The following CCDC171 variants were observed in gnomAD, a reference collection of about 807,000 sequenced individuals.
The protein encoded by CCDC171 is coiled-coil domain-containing protein 171.
CCDC171 carries 177 observed loss-of-function variants against 168.2 expected under a neutral mutation model. The ratio of observed to expected loss-of-function variants is 1.05; its 90% CI spans 0.93 to 1.19. CCDC171 has a LOEUF of 1.19. Among genes scored for constraint, CCDC171 ranks in the 50% most tolerant of loss-of-function variants. The probability of loss-of-function intolerance (pLI) is 0.00; values close to 1 mark genes in which losing one functional copy is unlikely to be tolerated. For synonymous variants in CCDC171, 687 were observed against 540.8 expected (o/e 1.27, Z -3.75); for missense variants, 1,991 against 1,539.0 (o/e 1.29, Z -4.91).
At chr9:15,557,040 C>T (rs938890493) in intron 1 of CCDC171, among the ~76,000 whole-genome samples, 1 of 152,076 alleles carries the variant, frequency 6.6e-6, no homozygotes, top group Non-Finnish European at 1.5e-5. Flanking sequence ...TGTCAAAGAT[C>T]AGATGGTTGT....
intron 24 of CCDC171, chr9:15,885,549 T>A (rs897824182): frequency 5.9e-5 from 9 of 152,200 alleles, no homozygotes; most frequent in Non-Finnish European, 1.3e-4. Context: ...ATGGACTGCC[T>A]AGGTGAAGAC....
chr9:16,079,602 A>C, the CCDC171 span, among the ~76,000 whole-genome samples: 1 of 152,242 alleles, frequency 6.6e-6, no homozygotes, highest in Non-Finnish European at 1.5e-5. Flanking sequence ...GCCGGGAGAG[A>C]GGCCTGGAGC....
intron 1 of CCDC171, among the ~76,000 whole-genome samples, chr9:16,044,481 A>G (rs1833623074): frequency 8.2e-6 from 1 of 121,710 alleles, no homozygotes; most frequent in Non-Finnish European, 1.8e-5. Flanking sequence ...AAACCACAGG[A>G]GAAAAAAAAA....
chr9:15,700,100 G>C, intron 11 of CCDC171, among the ~76,000 whole-genome samples: 1 of 152,194 alleles, frequency 6.6e-6, no homozygotes, highest in East Asian at 1.9e-4. Context: ...AGGGGGCAGT[G>C]CTCATCAGGG....
At chr9:15,600,611 T>G (rs440229) in intron 6 of CCDC171, among the ~76,000 whole-genome samples, 11,775 of 152,106 alleles carry the variant, frequency 0.077, 694 homozygotes, top group African/African-American at 0.17. Context: ...GCAGTCTGTC[T>G]GTTCTCAGAT....
intron 10 of CCDC171, among the ~76,000 whole-genome samples, chr9:15,690,949 A>G (rs903551173): frequency 1.3e-5 from 2 of 152,202 alleles, no homozygotes; most frequent in South Asian, 2.1e-4. Flanking sequence ...AATGCCTACT[A>G]TTGGATAGAT....
chr9:15,949,412 C>A (rs960515171), intron 25 of CCDC171, among the ~76,000 whole-genome samples: 3 of 152,090 alleles, frequency 2.0e-5, no homozygotes, highest in Non-Finnish European at 2.9e-5. Flanking sequence ...TTACCTTGGG[C>A]AGTATGGCCA....
At chr9:16,029,916 A>G (rs1833339691) in intron 6 of CCDC171, among the ~76,000 whole-genome samples, 1 of 152,174 alleles carries the variant, frequency 6.6e-6, no homozygotes, top group African/African-American at 2.4e-5. Flanking sequence ...TAGTTTATAA[A>G]CTGGAATTTA....
chr9:15,860,407 T>G (rs1433716837), intron 23 of CCDC171, among the ~76,000 whole-genome samples: 1 of 151,932 alleles, frequency 6.6e-6, no homozygotes, highest in African/African-American at 2.4e-5. Context: ...CTGCTGTATG[T>G]TTCCCCTTAC....
chr9:15,878,418 C>A (rs1818151400), intron 24 of CCDC171, among the ~76,000 whole-genome samples: 1 of 149,892 alleles, frequency 6.7e-6, no homozygotes, highest in Non-Finnish European at 1.5e-5. Context: ...CCAATCAAAA[C>A]CACAATGAGA....
rs759576792 is a variant in CCDC171, at chr9:15,920,326, A to G, written c.3657A>G (p.Thr1219=). 2 of 1,609,346 alleles carry G rather than the reference A, an allele frequency of 1.2e-6. No homozygotes were observed. The highest frequency in any genetic ancestry group is 2.2e-5 in the East Asian group (1 of 44,702). Reference sequence around the variant, plus strand: ...AGCTTGCAAGCACTAGAATCATGACATTAGAGAAGGAAATGACATCTCATC... The same window carrying G: ...AGCTTGCAAGCACTAGAATCATGACGTTAGAGAAGGAAATGACATCTCATC... ...VYQLASTRIM[T]LEKEMTSHRS... The change falls in exon 25 of 26, where the codon ACA becomes ACG. Residue 1219 remains threonine, a synonymous_variant. Transcript: ENST00000380701.
chr9:15,799,855 A>G (rs1441775922), intron 21 of CCDC171, among the ~76,000 whole-genome samples: 1 of 152,146 alleles, frequency 6.6e-6, no homozygotes, highest in East Asian at 1.9e-4. Context: ...GCCCCTCCAA[A>G]TAAGTAAGAA....
At chr9:15,677,817 ACG>A (rs1262344133) in intron 9 of CCDC171, among the ~76,000 whole-genome samples, 4 of 134,006 alleles carry the variant, frequency 3.0e-5, no homozygotes, top group African/African-American at 8.4e-5. Context: ...ACACACACAC[ACG>A]CGCACACACA....
chr9:15,605,613 G>C (rs2043168181), intron 6 of CCDC171, among the ~76,000 whole-genome samples: 1 of 150,816 alleles, frequency 6.6e-6, no homozygotes, highest in South Asian at 2.1e-4. Flanking sequence ...CTTGAACCCA[G>C]GAGGTGGAGG....
chr9:15,905,808 C>G (rs964449283), intron 24 of CCDC171, among the ~76,000 whole-genome samples: 4 of 152,048 alleles, frequency 2.6e-5, no homozygotes, highest in African/African-American at 2.4e-5. Flanking sequence ...AGAGAAGAAT[C>G]AAACAGACAC....
chr9:15,583,645 G>A (rs1220771452), intron 4 of CCDC171, among the ~76,000 whole-genome samples: 2 of 152,032 alleles, frequency 1.3e-5, no homozygotes. Context: ...CGGGATGGGG[G>A]TGAGGGATGA....
At chr9:15,964,437 C>G (rs974920717) in intron 25 of CCDC171, among the ~76,000 whole-genome samples, 1 of 127,490 alleles carries the variant, frequency 7.8e-6, no homozygotes, top group East Asian at 2.1e-4. Flanking sequence ...ATTTTCAATT[C>G]TCTCGAATTG....
At chr9:15,831,263 T>C (rs1039281390) in intron 21 of CCDC171, among the ~76,000 whole-genome samples, 1 of 152,100 alleles carries the variant, frequency 6.6e-6, no homozygotes, top group Non-Finnish European at 1.5e-5. Context: ...TGAGCCACCA[T>C]ACCCGGCCCT....
At chr9:15,804,318 G>A (rs2058973253) in intron 21 of CCDC171, among the ~76,000 whole-genome samples, 1 of 152,004 alleles carries the variant, frequency 6.6e-6, no homozygotes, top group South Asian at 2.1e-4. Flanking sequence ...TGGTTTTCAA[G>A]AGGGAATGCT....
Sources: gnomAD v4.1 joint callset for allele counts (sites outside exome capture counted in the v4.1 genomes callset) on GRCh38, gnomAD v4.1.1 for gene constraint, MANE v1.5 for transcripts, NCBI Gene and HGNC (gene_info 2026-07-23, HGNC 2026-07-21) for gene names.